Variants in FRMD4A observed in about 807,000 individuals in gnomAD.
The protein encoded by FRMD4A is FERM domain-containing protein 4A.
In FRMD4A, 29 loss-of-function variants were observed where a neutral mutation model predicts 129.1. The observed-to-expected ratio is 0.22, with a 90% CI of 0.17 to 0.31. FRMD4A has a LOEUF of 0.31. Ranked by LOEUF, FRMD4A falls within the 10% of genes least tolerant of loss-of-function variation. The probability of loss-of-function intolerance (pLI) is 1.00; values close to 1 mark genes in which losing one functional copy is unlikely to be tolerated. For synonymous variants in FRMD4A, 634 were observed against 571.6 expected, an observed-to-expected ratio of 1.11 and a Z score of -1.56; for missense variants, 1,272 against 1,375.8, an observed-to-expected ratio of 0.92 and a Z score of 1.19.
At chr10:14,097,794 T>C (rs889940000) in intron 2 of FRMD4A, among the ~76,000 whole-genome samples, 8 of 150,276 alleles carry the variant, frequency 5.3e-5, no homozygotes, top group African/African-American at 1.5e-4. Context: ...AGAGAAAAAA[T>C]CAGAAAACTT....
intron 2 of FRMD4A, among the ~76,000 whole-genome samples, chr10:14,182,689 T>C (rs1328576231): frequency 6.6e-6 from 1 of 152,176 alleles, no homozygotes; most frequent in African/African-American, 2.4e-5. Flanking sequence ...TGGACACATA[T>C]GCTGAGAACC....
intron 2 of FRMD4A, among the ~76,000 whole-genome samples, chr10:13,931,918 C>T (rs1589313932): frequency 6.6e-6 from 1 of 152,128 alleles, no homozygotes; most frequent in African/African-American, 2.4e-5. Flanking sequence ...CACTGCACTC[C>T]AGCCTGGGCA....
chr10:13,801,472 T>G (rs1036875444), intron 4 of FRMD4A, among the ~76,000 whole-genome samples: 2 of 152,224 alleles, frequency 1.3e-5, no homozygotes, highest in Admixed American at 6.5e-5. Flanking sequence ...AGAGGCAGAC[T>G]TTCCCAAACC....
At chr10:13,748,954 A>G (rs1449928395) in intron 8 of FRMD4A, among the ~76,000 whole-genome samples, 1 of 152,168 alleles carries the variant, frequency 6.6e-6, no homozygotes, top group Non-Finnish European at 1.5e-5. Context: ...AGACTCACAC[A>G]TGCTTAGGTT....
intron 6 of FRMD4A, among the ~76,000 whole-genome samples, chr10:13,764,174 C>T (rs2092186597): frequency 7.0e-6 from 1 of 142,624 alleles, no homozygotes; most frequent in Non-Finnish European, 1.5e-5. Context: ...CGATCACATC[C>T]AAAGATTTCC....
intron 2 of FRMD4A, among the ~76,000 whole-genome samples, chr10:14,002,224 C>T (rs2131621354): frequency 6.6e-6 from 1 of 152,296 alleles, no homozygotes; most frequent in South Asian, 2.1e-4. Flanking sequence ...AAAGAGAATG[C>T]TTTCTTGTCT....
chr10:13,752,166 G>C (rs1214033119), intron 8 of FRMD4A, among the ~76,000 whole-genome samples: 1 of 152,216 alleles, frequency 6.6e-6, no homozygotes, highest in Non-Finnish European at 1.5e-5. Context: ...ACGTTGCCAG[G>C]ATAAAAGTGG....
intron 2 of FRMD4A, among the ~76,000 whole-genome samples, chr10:14,256,413 C>T (rs1844616145): frequency 6.6e-6 from 1 of 151,966 alleles, no homozygotes; most frequent in Admixed American, 6.6e-5. Flanking sequence ...GGACTGGACT[C>T]TAATAATTTC....
intron 3 of FRMD4A, among the ~76,000 whole-genome samples, chr10:13,842,019 A>G (rs2093975361): frequency 6.6e-6 from 1 of 152,016 alleles, no homozygotes; most frequent in Non-Finnish European, 1.5e-5. Flanking sequence ...TTGCCCACCC[A>G]CTCAGCACGT....
At chr10:13,893,339 A>G (rs1162107385) in intron 2 of FRMD4A, among the ~76,000 whole-genome samples, 1 of 152,112 alleles carries the variant, frequency 6.6e-6, no homozygotes, top group Non-Finnish European at 1.5e-5. Flanking sequence ...ACCTCTCTAA[A>G]GTCTGTGAGG....
chr10:13,743,912 CAGGGACTCAA>C (rs1278048859), intron 9 of FRMD4A, among the ~76,000 whole-genome samples: 23 of 152,184 alleles, frequency 1.5e-4, no homozygotes, highest in Admixed American at 2.6e-4. Context: ...AGATTTGTAG[CAGGGACTCAA>C]GGGGATAACT....
intron 2 of FRMD4A, among the ~76,000 whole-genome samples, chr10:14,174,310 CCT>C (rs1457774260): frequency 6.6e-6 from 1 of 152,116 alleles, no homozygotes; most frequent in Non-Finnish European, 1.5e-5. Flanking sequence ...CTCTCTCCTC[CCT>C]CTCTCTTTCC....
chr10:13,869,676 G>T (rs918106636), intron 2 of FRMD4A, among the ~76,000 whole-genome samples: 1 of 152,218 alleles, frequency 6.6e-6, no homozygotes, highest in Non-Finnish European at 1.5e-5. Flanking sequence ...GGGCAGCAGC[G>T]CTTTCTGGGT....
At position 14,180,791 on chromosome 10, in the gene FRMD4A, C is replaced by G. The variant is rs183224168; in HGVS notation, c.45+149267G>C. On this transcript the variant is annotated intron_variant, in intron 2 of 24. Coordinates refer to ENST00000357447, the MANE Select transcript of FRMD4A (RefSeq NM_018027.5). ...ATGCTGTCACATTTCTGTGGCTCACCCATGCGCAGTGATGGGTTGTATGAT... is the reference window on the plus strand; with the variant it reads ...ATGCTGTCACATTTCTGTGGCTCACGCATGCGCAGTGATGGGTTGTATGAT... Among the ~76,000 whole-genome samples the G allele has an allele frequency of 5.3e-5, 8 of 152,306 alleles. No individual in the cohort carries two copies. In the East Asian group the frequency reaches 9.6e-4, roughly 18 times the overall value.
intron 3 of FRMD4A, among the ~76,000 whole-genome samples, chr10:13,854,059 C>T (rs1335347752): frequency 6.6e-6 from 1 of 152,060 alleles, no homozygotes; most frequent in African/African-American, 2.4e-5. Context: ...CCATTCCATT[C>T]TAGTGAAAAT....
rs538647577 is a variant in FRMD4A at position 14,123,216 on chromosome 10, T to G, written c.45+206842A>C. 1.4e-4 allele frequency among the ~76,000 whole-genome samples: 21 copies of G among 152,234 alleles called. No individual in the cohort carries two copies. The South Asian group carries it at 3.7e-3, about 27-fold the overall frequency. On this transcript the variant is annotated intron_variant, in intron 2 of 24. Transcript: ENST00000357447. The stretch of plus-strand genomic sequence containing the variant: ...AGGCAGTCAGCTGGAGCGAAACTGT[T>G]GCAACATTTCTTGTATATTGAGAGG...
intron 2 of FRMD4A, among the ~76,000 whole-genome samples, chr10:14,047,490 A>C (rs1834038543): frequency 6.6e-6 from 1 of 152,160 alleles, no homozygotes; most frequent in South Asian, 2.1e-4. Flanking sequence ...GATTGATAGG[A>C]TCTCTAGGCA....
chr10:14,261,072 G>T (rs1844784869), intron 2 of FRMD4A, among the ~76,000 whole-genome samples: 1 of 152,152 alleles, frequency 6.6e-6, no homozygotes. Flanking sequence ...ATATGGGACT[G>T]AGAGGAGTTA....
chr10:14,187,930 A>G (rs936849494), intron 2 of FRMD4A, among the ~76,000 whole-genome samples: 1 of 152,150 alleles, frequency 6.6e-6, no homozygotes, highest in Admixed American at 6.5e-5. Context: ...CCGGGAGATG[A>G]CGATGGAATG....
Sources: gnomAD v4.1 joint callset for allele counts (sites outside exome capture counted in the v4.1 genomes callset) on GRCh38, gnomAD v4.1.1 for gene constraint, MANE v1.5 for transcripts, NCBI Gene and HGNC (gene_info 2026-07-23, HGNC 2026-07-21) for gene names.